The following TAFA4 variants were observed in gnomAD, a reference collection of about 807,000 sequenced individuals.
The protein encoded by TAFA4 is TAFA chemokine like family member 4, also known as chemokine-like protein TAFA-4.
In TAFA4, 20 loss-of-function variants were observed where a neutral mutation model predicts 21.1. That is an observed-to-expected ratio of 0.95 (90% CI 0.67 to 1.38). TAFA4 has a LOEUF of 1.38. Ranked by LOEUF, TAFA4 falls within the 40% of genes most tolerant of loss-of-function variation. The probability of loss-of-function intolerance (pLI) is 0.00; values close to 1 mark genes in which losing one functional copy is unlikely to be tolerated. For synonymous variants in TAFA4, 71 were observed against 67.4 expected (o/e 1.05, Z -0.26); for missense variants, 211 against 180.9 (o/e 1.17, Z -0.95).
intron 3 of TAFA4, among the ~76,000 whole-genome samples, chr3:68,808,275 T>A (rs1377983894): frequency 6.6e-6 from 1 of 152,110 alleles, no homozygotes; most frequent in African/African-American, 2.4e-5. Flanking sequence ...TTCCAGCTGG[T>A]CCTGGGCCCT....
intron 3 of TAFA4, among the ~76,000 whole-genome samples, chr3:68,866,840 T>C (rs1194429729): frequency 1.3e-5 from 2 of 151,256 alleles, no homozygotes; most frequent in Non-Finnish European, 2.9e-5. Context: ...GTCTGTGAGC[T>C]CAAAAGCAGG....
chr3:68,880,036 T>C (rs1422618101), intron 3 of TAFA4, among the ~76,000 whole-genome samples: 1 of 146,222 alleles, frequency 6.8e-6, no homozygotes, highest in African/African-American at 2.6e-5. Flanking sequence ...TAAATGTTGA[T>C]GTAAGAAAGA....
intron 3 of TAFA4, among the ~76,000 whole-genome samples, chr3:68,856,346 A>T (rs907118731): frequency 1.3e-5 from 2 of 152,180 alleles, no homozygotes; most frequent in African/African-American, 4.8e-5. Flanking sequence ...TTAAATTAAT[A>T]AAGTAGGCAT....
chr3:68,781,488 T>C (rs1336760067), intron 3 of TAFA4, among the ~76,000 whole-genome samples: 1 of 151,990 alleles, frequency 6.6e-6, no homozygotes, highest in Non-Finnish European at 1.5e-5. Flanking sequence ...AAATGGTATA[T>C]TATGAGCAAC....
intron 3 of TAFA4, among the ~76,000 whole-genome samples, chr3:68,780,556 G>T (rs1427791817): frequency 6.6e-6 from 1 of 152,184 alleles, no homozygotes; most frequent in Non-Finnish European, 1.5e-5. Flanking sequence ...CCCTGCACAA[G>T]CTCTCTCATT....
intron 3 of TAFA4, among the ~76,000 whole-genome samples, chr3:68,835,468 T>C (rs1249650650): frequency 6.6e-6 from 1 of 152,216 alleles, no homozygotes; most frequent in Admixed American, 6.5e-5. Context: ...ACAAATGCAT[T>C]TCTTCCTTGT....
chr3:68,808,410 T>C (rs1278576738), intron 3 of TAFA4, among the ~76,000 whole-genome samples: 2 of 152,240 alleles, frequency 1.3e-5, no homozygotes, highest in Non-Finnish European at 2.9e-5. Context: ...CTTCATCTTA[T>C]GCAAAAGCTT....
intron 4 of TAFA4, among the ~76,000 whole-genome samples, chr3:68,748,052 C>A (rs938800625): frequency 1.3e-5 from 2 of 152,168 alleles, no homozygotes; most frequent in South Asian, 4.1e-4. Flanking sequence ...GCATCCCTGA[C>A]CACCTCTCTG....
At position 68,869,394 on chromosome 3, in the gene TAFA4, T is replaced by A. The variant is rs1278065955; in HGVS notation, c.130+11336A>T. On this transcript the variant is annotated intron_variant, in intron 3 of 5. Transcript: ENST00000295569. ...GCATTGCCCTTACACCAAAACCAGA[T>A]AAGGACACAATGAAAAGAAAACTAC... Among the ~76,000 whole-genome samples the A allele has an allele frequency of 2.0e-5, 3 of 151,766 alleles. No individual in the cohort carries two copies. In the East Asian group the frequency reaches 5.8e-4, roughly 29 times the overall value.
chr3:68,785,314 A>G (rs993303633), intron 3 of TAFA4, among the ~76,000 whole-genome samples: 2 of 152,082 alleles, frequency 1.3e-5, no homozygotes, highest in African/African-American at 4.8e-5. Flanking sequence ...ATGCGCCCAC[A>G]CTCCTCAGCC....
intron 3 of TAFA4, among the ~76,000 whole-genome samples, chr3:68,853,867 T>A (rs1468240559): frequency 6.6e-6 from 1 of 152,128 alleles, no homozygotes; most frequent in Non-Finnish European, 1.5e-5. Flanking sequence ...ATTCCTGGGC[T>A]CAGAGCATAC....
At chr3:68,867,707 G>A (rs924406202) in intron 3 of TAFA4, among the ~76,000 whole-genome samples, 1 of 152,024 alleles carries the variant, frequency 6.6e-6, no homozygotes, top group Non-Finnish European at 1.5e-5. Flanking sequence ...AAGTTAAAGT[G>A]CAGGGTTTTT....
Position 68,882,315 on chromosome 3 carries a change from T to A in TAFA4, c.15-1470A>T, listed in dbSNP as rs138084436. On this transcript the variant is annotated intron_variant, in intron 2 of 5. Transcript: ENST00000295569. ...CAGCCTGCAAATGTGTTTTGTTTGA[T>A]CTGTGCTTTAAAAAAAAAAAAGAAA... Among the ~76,000 whole-genome samples the A allele has an allele frequency of 3.6e-3, 540 of 149,238 alleles. 4 individuals are homozygous for A. The highest frequency in any genetic ancestry group is 0.013 in the African/African-American group (522 of 40,940).
At chr3:68,842,812 A>T (rs1207663180) in intron 3 of TAFA4, among the ~76,000 whole-genome samples, 6 of 152,152 alleles carry the variant, frequency 3.9e-5, no homozygotes, top group Non-Finnish European at 8.8e-5. Flanking sequence ...TCCTTTCCCC[A>T]CTGCTTATTT....
chr3:68,888,676 CT>C (rs1220927586), intron 1 of TAFA4, among the ~76,000 whole-genome samples: 3 of 152,096 alleles, frequency 2.0e-5, no homozygotes, highest in African/African-American at 7.2e-5. Context: ...GTGCCAGCAT[CT>C]GGTGAGGGCC....
At chr3:68,870,116 T>C (rs1371915604) in intron 3 of TAFA4, among the ~76,000 whole-genome samples, 3 of 151,936 alleles carry the variant, frequency 2.0e-5, no homozygotes, top group African/African-American at 7.2e-5. Context: ...ACAAGGAATA[T>C]AAAATACCTA....
intron 1 of TAFA4, among the ~76,000 whole-genome samples, chr3:68,915,842 A>G (rs2089999456): frequency 6.6e-6 from 1 of 152,232 alleles, no homozygotes; most frequent in South Asian, 2.1e-4. Context: ...ACTTTGTGCA[A>G]AATGGGCACT....
At chr3:68,854,403 G>C (rs898374921) in intron 3 of TAFA4, among the ~76,000 whole-genome samples, 1 of 152,032 alleles carries the variant, frequency 6.6e-6, no homozygotes, top group African/African-American at 2.4e-5. Flanking sequence ...AGCCACTAGA[G>C]GATTGCAAGC....
At chr3:68,894,423 G>C (rs2089764185) in intron 1 of TAFA4, among the ~76,000 whole-genome samples, 1 of 152,164 alleles carries the variant, frequency 6.6e-6, no homozygotes, top group Admixed American at 6.5e-5. Context: ...GGCTCCCAAA[G>C]TACTGGCGTG....
Sources: allele counts gnomAD v4.1 joint callset (sites outside exome capture counted in the v4.1 genomes callset), GRCh38; gene constraint gnomAD v4.1.1; transcripts MANE v1.5; gene names NCBI Gene and HGNC (gene_info 2026-07-23, HGNC 2026-07-21).